Variants in CAST observed in about 807,000 individuals in gnomAD.
CAST encodes the protein MIR583 host.
In CAST, 76 loss-of-function variants were observed where a neutral mutation model predicts 119.6. That is an observed-to-expected ratio of 0.64 (90% CI 0.53 to 0.77). The LOEUF is 0.77. Ranked by LOEUF, CAST falls within the 30% of genes least tolerant of loss-of-function variation. The probability of loss-of-function intolerance (pLI) is 0.00; values close to 1 mark genes in which losing one functional copy is unlikely to be tolerated. For synonymous variants in CAST, 319 were observed against 331.6 expected (o/e 0.96, Z 0.41); for missense variants, 953 against 946.5 (o/e 1.01, Z -0.09).
At chr5:96,253,296 T>C in the CAST span, among the ~76,000 whole-genome samples, 1 of 152,054 alleles carries the variant, frequency 6.6e-6, no homozygotes, top group African/African-American at 2.4e-5. Flanking sequence ...GGAGAGGGTG[T>C]CTGGATCAGT....
intron 1 of CAST, among the ~76,000 whole-genome samples, chr5:96,668,469 C>T (rs17086498): frequency 0.22 from 32,904 of 152,124 alleles, 4,082 homozygotes; most frequent in Non-Finnish European, 0.27. Flanking sequence ...CAAACCTTAA[C>T]TCACTGGCTT....
intron 1 of CAST, among the ~76,000 whole-genome samples, chr5:96,541,071 C>T (rs967662671): frequency 6.6e-5 from 10 of 152,064 alleles, no homozygotes; most frequent in African/African-American, 2.2e-4. Context: ...TGTAGAGTTA[C>T]GTTTCCTTCC....
the CAST span, among the ~76,000 whole-genome samples, chr5:96,158,803 ATGAT>A: frequency 1.3e-5 from 2 of 152,236 alleles, no homozygotes; most frequent in Admixed American, 1.3e-4. Flanking sequence ...TTTCATGAAA[ATGAT>A]TGCCAGCACT....
the CAST span, among the ~76,000 whole-genome samples, chr5:96,001,052 G>A: frequency 6.6e-6 from 1 of 152,120 alleles, no homozygotes; most frequent in Non-Finnish European, 1.5e-5. Context: ...AATTAGCTTT[G>A]TGTTCTTGGC....
chr5:96,400,677 C>A, the CAST span, among the ~76,000 whole-genome samples: 1 of 152,168 alleles, frequency 6.6e-6, no homozygotes, highest in Non-Finnish European at 1.5e-5. Flanking sequence ...ACATGTATTG[C>A]CTTTTTCTTT....
the CAST span, among the ~76,000 whole-genome samples, chr5:96,199,865 C>G: frequency 3.2e-4 from 48 of 152,204 alleles, no homozygotes; most frequent in African/African-American, 1.1e-3. Flanking sequence ...CTTGTTTGAG[C>G]ATTTAGTACA....
At chr5:96,409,091 C>G in the CAST span, among the ~76,000 whole-genome samples, 1 of 152,134 alleles carries the variant, frequency 6.6e-6, no homozygotes. Flanking sequence ...AATTTTCTTG[C>G]AAGTAAGGAA....
chr5:96,573,401 C>A (rs868251155), intron 1 of CAST, among the ~76,000 whole-genome samples: 1 of 152,082 alleles, frequency 6.6e-6, no homozygotes, highest in Non-Finnish European at 1.5e-5. Flanking sequence ...GAGGCTGAGG[C>A]AGGAGGATTG....
chr5:96,188,880 A>G, the CAST span, among the ~76,000 whole-genome samples: 1 of 152,280 alleles, frequency 6.6e-6, no homozygotes, highest in Non-Finnish European at 1.5e-5. Flanking sequence ...ATTGTCTTTT[A>G]TTACACTTTT....
At chr5:96,299,813 C>G in the CAST span, among the ~76,000 whole-genome samples, 2 of 152,048 alleles carry the variant, frequency 1.3e-5, no homozygotes, top group Non-Finnish European at 2.9e-5. Context: ...TTGTATATAT[C>G]TTTGAGGTAC....
chr5:96,355,510 G>A, the CAST span, among the ~76,000 whole-genome samples: 2 of 152,242 alleles, frequency 1.3e-5, no homozygotes, highest in South Asian at 2.1e-4. Flanking sequence ...TGTCTTTATA[G>A]TAGAATGATT....
At chr5:96,398,902 T>G in the CAST span, 1 of 1,613,800 alleles carries the variant, frequency 6.2e-7, no homozygotes, top group Non-Finnish European at 8.5e-7. Context: ...AAGTGTGACA[T>G]GAAGGTCTCC....
At chr5:96,514,161 G>A in the CAST span, among the ~76,000 whole-genome samples, 1 of 152,108 alleles carries the variant, frequency 6.6e-6, no homozygotes. Context: ...CTGAGGTATT[G>A]GGGGCTAAGG....
the CAST span, among the ~76,000 whole-genome samples, chr5:96,169,800 G>A: frequency 6.6e-6 from 1 of 152,130 alleles, no homozygotes; most frequent in African/African-American, 2.4e-5. Flanking sequence ...GAGACAATGA[G>A]GTGTGGCTGT....
At chr5:96,657,420 G>T (rs150498483), upstream of CAST, among the ~76,000 whole-genome samples, 175 of 152,294 alleles carry the variant, frequency 1.1e-3, 1 homozygote, top group African/African-American at 3.9e-3. Context: ...AGGAAATGAA[G>T]TCTAGGCCTG....
chr5:96,596,453 AT>A (rs576041743), intron 1 of CAST, among the ~76,000 whole-genome samples: 11 of 152,170 alleles, frequency 7.2e-5, no homozygotes, highest in Non-Finnish European at 1.2e-4. Context: ...AATCAAACTG[AT>A]TTTTTGCTTT....
chr5:96,316,166 A>G, the CAST span, among the ~76,000 whole-genome samples: 6 of 152,248 alleles, frequency 3.9e-5, no homozygotes, highest in Non-Finnish European at 7.3e-5. Flanking sequence ...GAATATAAAC[A>G]GAAGTTTCCC....
the CAST span, among the ~76,000 whole-genome samples, chr5:96,320,228 C>CTT: frequency 8.2e-5 from 8 of 97,368 alleles, no homozygotes; most frequent in African/African-American, 1.2e-4. Context: ...AAGGCTTTTG[C>CTT]TTTTTTTTTT....
upstream of CAST, among the ~76,000 whole-genome samples, chr5:96,658,536 T>A (rs1190828509): frequency 6.6e-6 from 1 of 152,168 alleles, no homozygotes; most frequent in Non-Finnish European, 1.5e-5. Context: ...ATTCATTGAT[T>A]GGACAGGAGG....
Sources: allele counts gnomAD v4.1 joint callset (sites outside exome capture counted in the v4.1 genomes callset), GRCh38; gene constraint gnomAD v4.1.1; transcripts MANE v1.5; gene names NCBI Gene and HGNC (gene_info 2026-07-23, HGNC 2026-07-21).